Variants in EFHD1 observed in about 807,000 individuals in gnomAD.
EFHD1 encodes EF-hand domain-containing protein D1.
In EFHD1, 10 loss-of-function variants were observed where a neutral mutation model predicts 17.2. The observed-to-expected ratio is 0.58, with a 90% confidence interval of 0.36 to 0.99. The LOEUF is 0.99. Among genes scored for constraint, EFHD1 ranks in the 50% least tolerant of loss-of-function variants. The pLI is 0.01. For synonymous variants in EFHD1, 153 were observed against 142.0 expected (o/e 1.08, Z -0.55); for missense variants, 310 against 327.5 (o/e 0.95, Z 0.41).
At chr2:232,659,069 A>G (rs1052233584) in intron 1 of EFHD1, among the ~76,000 whole-genome samples, 1 of 151,610 alleles carries the variant, frequency 6.6e-6, no homozygotes, top group African/African-American at 2.4e-5. Context: ...TGATTCACAT[A>G]CTCTGCCCAC....
chr2:232,611,493 G>A (rs1202861776), intron 1 of EFHD1: 1 of 152,114 alleles, frequency 6.6e-6, no homozygotes, highest in African/African-American at 2.4e-5. Context: ...TGAAGAAACG[G>A]GTCAGAGGAC....
intron 1 of EFHD1, among the ~76,000 whole-genome samples, chr2:232,627,798 TTATTA>T (rs1227702880): frequency 3.3e-5 from 5 of 152,198 alleles, no homozygotes; most frequent in African/African-American, 4.8e-5. Flanking sequence ...TAATGGCTTA[TTATTA>T]TATTATTTTT....
chr2:232,671,916 G>C lies in EFHD1; in HGVS notation c.451-393G>C, dbSNP rs558487342. On this transcript the variant is annotated intron_variant, in intron 2 of 3. Transcript: ENST00000264059. The stretch of plus-strand genomic sequence containing the variant: ...TACTAAAAATATAAAAATTAGCCGC[G>C]CATGGTGGCACACACCTGTAATCCC... 3.7e-4 allele frequency among the ~76,000 whole-genome samples: 56 copies of C among 151,528 alleles called. 1 individual carries two copies. In the South Asian group the frequency reaches 6.9e-3, roughly 19 times the overall value.
chr2:232,657,807 C>T (rs1304983490), intron 1 of EFHD1, among the ~76,000 whole-genome samples: 2 of 137,298 alleles, frequency 1.5e-5, no homozygotes, highest in African/African-American at 5.9e-5. Flanking sequence ...AATGAAACTC[C>T]ATCTCAAAAA....
intron 3 of EFHD1, among the ~76,000 whole-genome samples, chr2:232,676,417 C>G (rs530366885): frequency 6.6e-6 from 1 of 152,164 alleles, no homozygotes; most frequent in Non-Finnish European, 1.5e-5. Context: ...CGGGATCTGT[C>G]TGCCCGGCTG....
chr2:232,672,080 G>A (rs956642925), intron 2 of EFHD1, among the ~76,000 whole-genome samples: 12 of 151,966 alleles, frequency 7.9e-5, no homozygotes, highest in East Asian at 3.9e-4. Flanking sequence ...AGTTTGAATC[G>A]GTTTACACTC....
At chr2:232,635,811 T>A (rs1254398313) in intron 1 of EFHD1, among the ~76,000 whole-genome samples, 1 of 150,222 alleles carries the variant, frequency 6.7e-6, no homozygotes, top group African/African-American at 2.5e-5. Context: ...AGAGGGAGAT[T>A]CTGTCTCAAG....
intron 1 of EFHD1, among the ~76,000 whole-genome samples, chr2:232,625,518 G>T (rs747536928): frequency 1.3e-5 from 2 of 152,088 alleles, no homozygotes; most frequent in Non-Finnish European, 2.9e-5. Flanking sequence ...CTTAGGATGG[G>T]AGTCTACCCT....
rs565756391 is a variant in EFHD1 at position 232,672,566 on chromosome 2, C to T, written c.585+123C>T. The T allele has an allele frequency of 1.4e-5, 20 of 1,389,042 alleles. No individual in the cohort carries two copies. In the South Asian group the frequency reaches 2.2e-4, roughly 15 times the overall value. The allele number at this position is 1,389,042 out of a possible 1,614,324, so 86.0% of individuals were successfully genotyped here. ...GCAGAAACAGACCAGGAGGGTCCTC[C>T]CAGTGCTCTGCCAACCAGCAAGTGG... On this transcript the variant is annotated intron_variant, in intron 3 of 3. Transcript: ENST00000264059.
intron 2 of EFHD1, 60 bp from the exon 3 acceptor site, chr2:232,672,249 G>T: frequency 1.2e-6 from 2 of 1,608,782 alleles, no homozygotes; most frequent in South Asian, 2.2e-5. Context: ...TGGACCAGAG[G>T]GCTGGTTATG....
chr2:232,618,199 T>C (rs1022217354), intron 1 of EFHD1, among the ~76,000 whole-genome samples: 2 of 151,446 alleles, frequency 1.3e-5, no homozygotes, highest in African/African-American at 4.8e-5. Context: ...TTTGTACTTT[T>C]AGTGGAGATG....
chr2:232,627,400 G>A (rs752301671), intron 1 of EFHD1, among the ~76,000 whole-genome samples: 3 of 152,112 alleles, frequency 2.0e-5, no homozygotes, highest in Non-Finnish European at 4.4e-5. Context: ...CGTAAAGTTT[G>A]TTCATGTACT....
intron 2 of EFHD1, among the ~76,000 whole-genome samples, chr2:232,666,842 T>C (rs76229300): frequency 0.033 from 4,987 of 152,238 alleles, 180 homozygotes; most frequent in East Asian, 0.21. Context: ...GGTTTCCACC[T>C]CTGCTTAAGG....
intron 1 of EFHD1, among the ~76,000 whole-genome samples, chr2:232,624,745 A>T (rs1257806014): frequency 6.6e-6 from 1 of 152,224 alleles, no homozygotes; most frequent in African/African-American, 2.4e-5. Context: ...ATTGAGGGCT[A>T]TCTAGAAACA....
At chr2:232,663,886 A>T (rs1244866846) in intron 2 of EFHD1, among the ~76,000 whole-genome samples, 1 of 152,008 alleles carries the variant, frequency 6.6e-6, no homozygotes, top group Non-Finnish European at 1.5e-5. Context: ...TTGACCTTCT[A>T]GTCTCCATTG....
intron 2 of EFHD1, among the ~76,000 whole-genome samples, chr2:232,665,561 A>G (rs1180694337): frequency 1.3e-5 from 2 of 152,048 alleles, no homozygotes; most frequent in Non-Finnish European, 2.9e-5. Flanking sequence ...AGCTGGGACT[A>G]CAGGCGCATG....
intron 1 of EFHD1, chr2:232,638,573 A>G: frequency 2.5e-6 from 1 of 404,116 alleles, no homozygotes; most frequent in South Asian, 1.9e-5. Context: ...TAAAGGAGAG[A>G]GAAGCGGGTG....
At chr2:232,607,045 G>T (rs1200219987) in intron 1 of EFHD1, among the ~76,000 whole-genome samples, 2 of 151,436 alleles carry the variant, frequency 1.3e-5, no homozygotes, top group African/African-American at 4.9e-5. Flanking sequence ...CGCCCAGGCT[G>T]CAGTGGCGCG....
At chr2:232,660,631 A>G (rs2106210053) in intron 1 of EFHD1, among the ~76,000 whole-genome samples, 1 of 152,120 alleles carries the variant, frequency 6.6e-6, no homozygotes, top group South Asian at 2.1e-4. Flanking sequence ...ATGATACTAT[A>G]CCCAGCCTTA....
Sources: gnomAD v4.1 joint callset for allele counts (sites outside exome capture counted in the v4.1 genomes callset) on GRCh38, gnomAD v4.1.1 for gene constraint, MANE v1.5 for transcripts, NCBI Gene and HGNC (gene_info 2026-07-23, HGNC 2026-07-21) for gene names.